TXLNB: variants seen among roughly 807,000 people sequenced by gnomAD.
TXLNB encodes beta-taxilin.
A neutral mutation model predicts 57.4 loss-of-function variants in TXLNB; 37 were observed. That is an observed-to-expected ratio of 0.64 (90% confidence interval 0.50 to 0.85). The LOEUF (loss-of-function observed/expected upper bound fraction) is 0.85. Ranked by LOEUF, TXLNB falls within the 40% of genes least tolerant of loss-of-function variation. TXLNB has a pLI of 0.00. For missense variants in TXLNB, 848 were observed against 825.6 expected (o/e 1.03, Z -0.33); for synonymous variants, 302 against 309.6 (o/e 0.98, Z 0.26).
the TXLNB span, among the ~76,000 whole-genome samples, chr6:139,174,950 A>G: frequency 6.6e-6 from 1 of 152,192 alleles, no homozygotes; most frequent in East Asian, 1.9e-4. Flanking sequence ...TAAATTTCTA[A>G]TAGAAAAAAT....
Position 139,288,864 on chromosome 6 carries a change from T to C in TXLNB, c.36A>G (p.Glu12=), listed in dbSNP as rs1189266771. 4 of 1,614,142 alleles carry C rather than the reference T, an allele frequency of 2.5e-6. No homozygotes were observed. The highest frequency in any genetic ancestry group is 2.5e-6 in the Non-Finnish European group (3 of 1,180,030). Residue 12 remains glutamate (E), a synonymous_variant, in exon 2 of 10, where the codon GAA becomes GAG. Coordinates refer to ENST00000358430, the MANE Select transcript of TXLNB (RefSeq NM_153235.4). The part of the protein sequence containing the change: ...EANHSEQLSA[E]RQSTPPGDSS... ...TGTCACCTGGAGGTGTTGACTGTCG[T>C]TCCGCTGAGAGCTGTTCAGAGTGAT...
chr6:139,165,383 A>G, the TXLNB span, among the ~76,000 whole-genome samples: 17 of 152,204 alleles, frequency 1.1e-4, no homozygotes, highest in Admixed American at 5.9e-4. Flanking sequence ...ATATGTTACA[A>G]TTGATGAACC....
At chr6:139,262,195 C>T (rs748125176) in intron 5 of TXLNB, among the ~76,000 whole-genome samples, 1 of 152,100 alleles carries the variant, frequency 6.6e-6, no homozygotes, top group Non-Finnish European at 1.5e-5. Flanking sequence ...CGTGAGCCAC[C>T]GCGCCTGGCC....
At chr6:139,235,899 A>G (rs1267929952), downstream of TXLNB, among the ~76,000 whole-genome samples, 1 of 152,168 alleles carries the variant, frequency 6.6e-6, no homozygotes, top group Non-Finnish European at 1.5e-5. Flanking sequence ...TGTCAAGAAG[A>G]GCAGAGGAGC....
intron 9 of TXLNB, 64 bp from the exon 10 acceptor site, chr6:139,243,378 AG>A: frequency 6.7e-7 from 1 of 1,483,104 alleles, no homozygotes; most frequent in East Asian, 2.4e-5. Flanking sequence ...CAAAATGTCC[AG>A]GATGCTTTCT....
At chr6:139,298,213 T>G in the TXLNB span, among the ~76,000 whole-genome samples, 14 of 152,246 alleles carry the variant, frequency 9.2e-5, no homozygotes, top group Non-Finnish European at 1.8e-4. Context: ...GTTTGAAATT[T>G]GTATAAATAT....
chr6:139,219,877 T>C, the TXLNB span, among the ~76,000 whole-genome samples: 1 of 152,330 alleles, frequency 6.6e-6, no homozygotes, highest in African/African-American at 2.4e-5. Context: ...AATGTTCTGT[T>C]TTCTTGCTGA....
chr6:139,232,854 CT>C, the TXLNB span, among the ~76,000 whole-genome samples: 1 of 152,172 alleles, frequency 6.6e-6, no homozygotes, highest in African/African-American at 2.4e-5. Flanking sequence ...CTGAGTTGGT[CT>C]CTTATTTATT....
rs779637313 is a variant in TXLNB at position 139,243,009 on chromosome 6, T to C, written c.1572A>G (p.Gln524=). 3 of 1,613,992 alleles carry C rather than the reference T, an allele frequency of 1.9e-6. No homozygotes were observed. Among genetic ancestry groups the C allele is most frequent in the Admixed American group, 3.3e-5 (2 of 59,990 alleles). The change falls in exon 10 of 10, where the codon CAA becomes CAG. Residue 524 remains glutamine (Q), a synonymous_variant. Transcript: ENST00000358430. ...TCTCCTGAGAACTGCCTATTTCGGG[T>C]TGGGTTTCTTTGGACTGGTGCGGGG... The part of the protein sequence containing the change: ...ESTPHQSKET[Q]PEIGSSQESA...
the TXLNB span, among the ~76,000 whole-genome samples, chr6:139,187,636 G>T: frequency 6.6e-6 from 1 of 152,080 alleles, no homozygotes; most frequent in Non-Finnish European, 1.5e-5. Context: ...AGTAACTTTT[G>T]GTAAGTACAG....
the TXLNB span, among the ~76,000 whole-genome samples, chr6:139,315,408 G>GT: frequency 3.5e-4 from 54 of 152,310 alleles, no homozygotes; most frequent in Admixed American, 3.3e-3. Flanking sequence ...AGCAGGCAAG[G>GT]TGAACCCATT....
chr6:139,169,151 T>G, the TXLNB span, among the ~76,000 whole-genome samples: 1 of 152,192 alleles, frequency 6.6e-6, no homozygotes, highest in African/African-American at 2.4e-5. Context: ...ATTATTTCTT[T>G]GACAATTTCC....
At chr6:139,309,028 G>T in the TXLNB span, among the ~76,000 whole-genome samples, 5 of 152,184 alleles carry the variant, frequency 3.3e-5, no homozygotes, top group South Asian at 2.1e-4. Context: ...CTATTTGACA[G>T]CTAGGAGTAG....
At chr6:139,288,970 C>T in intron 1 of TXLNB, 57 bp from the exon 2 acceptor site, 2 of 1,294,086 alleles carry the variant, frequency 1.5e-6, no homozygotes, top group South Asian at 1.3e-5. Context: ...CATATCAATG[C>T]TACATTTCAA....
At chr6:139,207,259 A>G in the TXLNB span, among the ~76,000 whole-genome samples, 2 of 152,256 alleles carry the variant, frequency 1.3e-5, no homozygotes, top group Non-Finnish European at 2.9e-5. Flanking sequence ...TACATTTAAG[A>G]AAGTCAAAAT....
the TXLNB span, among the ~76,000 whole-genome samples, chr6:139,314,588 C>A: frequency 1.3e-5 from 2 of 152,316 alleles, no homozygotes; most frequent in South Asian, 4.1e-4. Flanking sequence ...GTTCTCAGGA[C>A]CTCTTGAGAC....
chr6:139,210,153 A>G, the TXLNB span, among the ~76,000 whole-genome samples: 1 of 152,178 alleles, frequency 6.6e-6, no homozygotes, highest in Non-Finnish European at 1.5e-5. Flanking sequence ...TTAAAACCAC[A>G]ATGAGCTACC....
rs1420149958 is a variant in TXLNB at position 139,243,332 on chromosome 6, AC to A, written c.1267-19del. The A allele has an allele frequency of 6.3e-7, 1 of 1,592,112 alleles. No homozygotes were observed. The highest frequency in any genetic ancestry group is 1.7e-5 in the Admixed American group (1 of 58,018). ...AGTGCTTTCTGTGATGTGAAAACAC[AC>A]GCACATACACACACAGATGAAATGA... On this transcript the variant is annotated intron_variant, in intron 9 of 9. Coordinates refer to ENST00000358430, the MANE Select transcript of TXLNB (RefSeq NM_153235.4).
the TXLNB span, among the ~76,000 whole-genome samples, chr6:139,200,891 C>T: frequency 6.6e-6 from 1 of 152,274 alleles, no homozygotes; most frequent in East Asian, 1.9e-4. Context: ...TGGGCAGCTG[C>T]TGGAGAACAC....
Sources: gnomAD v4.1 joint callset for allele counts (sites outside exome capture counted in the v4.1 genomes callset) on GRCh38, gnomAD v4.1.1 for gene constraint, MANE v1.5 for transcripts, NCBI Gene and HGNC (gene_info 2026-07-23, HGNC 2026-07-21) for gene names.